The following SEMA3A variants were observed in gnomAD, a reference collection of about 807,000 sequenced individuals.
SEMA3A encodes semaphorin-3A.
SEMA3A carries 29 observed loss-of-function variants against 97.9 expected under a neutral mutation model. That is an observed-to-expected ratio of 0.30 (90% CI 0.22 to 0.40). The LOEUF (loss-of-function observed/expected upper bound fraction) is 0.40, where lower values mean the gene tolerates loss of function less well. Among genes scored for constraint, SEMA3A ranks in the 10% least tolerant of loss-of-function variants. The pLI is 1.00. For synonymous variants in SEMA3A, 321 were observed against 323.7 expected (o/e 0.99, Z 0.09); for missense variants, 763 against 951.3 (o/e 0.80, Z 2.60).
chr7:84,233,574 GGAA>G (rs1799165504), intron 3 of SEMA3A, among the ~76,000 whole-genome samples: 2 of 151,772 alleles, frequency 1.3e-5, no homozygotes, highest in East Asian at 1.9e-4. Flanking sequence ...CATTAATAAA[GGAA>G]TTTTAATTTA....
upstream of SEMA3A, among the ~76,000 whole-genome samples, chr7:84,199,785 A>G (rs1798311729): frequency 6.6e-6 from 1 of 152,126 alleles, no homozygotes; most frequent in African/African-American, 2.4e-5. Flanking sequence ...ATCAGAAGAC[A>G]CTCTATTAAT....
chr7:84,137,129 G>T (rs534888206), intron 1 of SEMA3A, among the ~76,000 whole-genome samples: 3 of 152,012 alleles, frequency 2.0e-5, no homozygotes, highest in Admixed American at 2.0e-4. Flanking sequence ...GGCTGGACAC[G>T]GTGGCTCATG....
At chr7:83,985,503 G>A in intron 12 of SEMA3A, 26 bp from the exon 13 acceptor site, 6 of 1,601,348 alleles carry the variant, frequency 3.7e-6, no homozygotes, top group Non-Finnish European at 5.1e-6. Context: ...AAATATGTGA[G>A]GTGTTTGGTC....
intron 1 of SEMA3A, among the ~76,000 whole-genome samples, chr7:84,444,584 CG>C (rs1466742792): frequency 1.4e-5 from 2 of 140,154 alleles, no homozygotes; most frequent in Non-Finnish European, 3.1e-5. Context: ...TTTTTTGAGA[CG>C]GAGTCTGGCT....
chr7:84,195,949 T>G (rs1268585537), upstream of SEMA3A, among the ~76,000 whole-genome samples: 7 of 152,210 alleles, frequency 4.6e-5, no homozygotes, highest in Non-Finnish European at 1.0e-4. Context: ...ATTAGTTCCT[T>G]CTGAAACAAG....
At position 84,306,237 on chromosome 7, in the gene SEMA3A, T is replaced by G. The variant is rs149745052; in HGVS notation, c.-83+970A>C. The G allele has an allele frequency of 2.8e-4, 42 of 152,050 alleles. 1 individual carries two copies. The East Asian group carries it at 7.5e-3, about 27-fold the overall frequency. 9.4% of individuals were successfully genotyped at this position (152,050 alleles called of 1,614,324 possible). On this transcript the variant is annotated intron_variant, in intron 3 of 3. Transcript: ENST00000424555. ...TATTTTTTCATAAATTTTTTACTTT[T>G]ATTGGTACTAATATGAATAACCTAG...
intron 1 of SEMA3A, among the ~76,000 whole-genome samples, chr7:84,465,402 A>T (rs1214738925): frequency 1.3e-5 from 2 of 152,152 alleles, no homozygotes; most frequent in Admixed American, 1.3e-4. Context: ...CTGCTAAATT[A>T]TCTGAGGTTA....
chr7:84,015,537 C>G (rs995962620), intron 6 of SEMA3A, among the ~76,000 whole-genome samples: 4 of 152,154 alleles, frequency 2.6e-5, no homozygotes, highest in Non-Finnish European at 5.9e-5. Context: ...TCACTGAAGG[C>G]ACTTAGGATA....
intron 4 of SEMA3A, among the ~76,000 whole-genome samples, chr7:84,091,565 G>C (rs975893925): frequency 1.3e-5 from 2 of 152,082 alleles, no homozygotes; most frequent in East Asian, 1.9e-4. Flanking sequence ...CTATTCAGCC[G>C]AGTGCTTTAC....
chr7:84,020,502 CTTTAA>C (rs1791289393), intron 6 of SEMA3A, among the ~76,000 whole-genome samples: 1 of 151,708 alleles, frequency 6.6e-6, no homozygotes, highest in African/African-American at 2.4e-5. Flanking sequence ...CTCACTACAA[CTTTAA>C]TTTATCATAT....
At chr7:84,457,568 T>C (rs924787194) in intron 1 of SEMA3A, among the ~76,000 whole-genome samples, 1 of 151,942 alleles carries the variant, frequency 6.6e-6, no homozygotes, top group Admixed American at 6.6e-5. Context: ...CCTTTGAAAA[T>C]GGAACTAGAA....
At chr7:84,472,440 T>C (rs749167076) in intron 1 of SEMA3A, among the ~76,000 whole-genome samples, 4 of 152,188 alleles carry the variant, frequency 2.6e-5, no homozygotes, top group African/African-American at 9.6e-5. Context: ...AACGCATTAG[T>C]GCTTCGTGCT....
chr7:83,991,347 C>T (rs1166345174), intron 12 of SEMA3A, among the ~76,000 whole-genome samples: 1 of 151,762 alleles, frequency 6.6e-6, no homozygotes, highest in Non-Finnish European at 1.5e-5. Flanking sequence ...CCAGAACTTC[C>T]AACACTATGT....
chr7:84,332,275 CATT>C (rs1455851055), intron 2 of SEMA3A, among the ~76,000 whole-genome samples: 1 of 151,980 alleles, frequency 6.6e-6, no homozygotes, highest in Non-Finnish European at 1.5e-5. Context: ...AAAAAAATAA[CATT>C]ATATTTGCTT....
chr7:84,324,461 A>G (rs1460274308), intron 2 of SEMA3A, among the ~76,000 whole-genome samples: 1 of 152,198 alleles, frequency 6.6e-6, no homozygotes, highest in Non-Finnish European at 1.5e-5. Flanking sequence ...GTTATCTGCC[A>G]GCTCCAGTGA....
In SEMA3A at chr7:84,366,500, T is replaced by C. The variant is rs1343585488; in HGVS notation, c.-169+5324A>G. On this transcript the variant is annotated intron_variant, in intron 2 of 3. Coordinates refer to the SEMA3A transcript ENST00000424555. ...AAATTACTCCTTTTTATCAATCTGC[T>C]ATAATCAAGTTTCTAAGCAAACCAC... 1.1e-4 allele frequency among the ~76,000 whole-genome samples: 16 copies of C among 151,422 alleles called. No homozygotes were observed. The Admixed American group carries it at 1.1e-3, about 10-fold the overall frequency.
intron 1 of SEMA3A, among the ~76,000 whole-genome samples, chr7:84,451,307 T>C (rs961498228): frequency 2.6e-5 from 4 of 152,220 alleles, no homozygotes; most frequent in Non-Finnish European, 5.9e-5. Flanking sequence ...ACATACTTTT[T>C]TCCTTCCCCC....
intron 15 of SEMA3A, among the ~76,000 whole-genome samples, chr7:83,969,417 T>A (rs1367333895): frequency 6.6e-6 from 1 of 152,206 alleles, no homozygotes; most frequent in East Asian, 1.9e-4. Flanking sequence ...GTTACAATTA[T>A]TTTTAATCTG....
chr7:84,424,277 G>C (rs984739060), intron 1 of SEMA3A, among the ~76,000 whole-genome samples: 4 of 144,898 alleles, frequency 2.8e-5, no homozygotes, highest in African/African-American at 1.0e-4. Flanking sequence ...TAAAGAAAAT[G>C]TTAAATATAT....
Sources: allele counts gnomAD v4.1 joint callset (sites outside exome capture counted in the v4.1 genomes callset), GRCh38; gene constraint gnomAD v4.1.1; transcripts MANE v1.5; gene names NCBI Gene and HGNC (gene_info 2026-07-23, HGNC 2026-07-21).